RHOF: variants seen among roughly 807,000 people sequenced by gnomAD.
RHOF encodes the protein rho-related GTP-binding protein RhoF.
A neutral mutation model predicts 22.2 loss-of-function variants in RHOF; 21 were observed. The observed-to-expected ratio is 0.95, with a 90% CI of 0.67 to 1.36. RHOF has a LOEUF of 1.36. Ranked by LOEUF, RHOF falls within the 40% of genes most tolerant of loss-of-function variation. The pLI, the probability that RHOF is intolerant of heterozygous loss-of-function variation, is 0.00. For missense variants in RHOF, 285 were observed against 293.7 expected (o/e 0.97, Z 0.22); for synonymous variants, 135 against 131.2 (o/e 1.03, Z -0.20).
At chr12:121,781,926 CG>C (rs1390487860) in intron 2 of RHOF, 1 of 152,222 alleles carries the variant, frequency 6.6e-6, no homozygotes, top group Non-Finnish European at 1.5e-5. Context: ...GGCTCCGCCC[CG>C]AGACGAGCTG....
chr12:121,779,715 GCA>G (rs1874377730), intron 4 of RHOF, 53 bp from the exon 5 acceptor site: 1 of 1,594,914 alleles, frequency 6.3e-7, no homozygotes, highest in East Asian at 2.2e-5. Context: ...AGGTCTCCTA[GCA>G]CCACCTGGTG....
At position 121,788,779 on chromosome 12, in the gene RHOF, C is replaced by T. The variant is rs147102042; in HGVS notation, c.226+4373G>A. Reference sequence around the variant, plus strand: ...AGGAGAAGGGAGGCAATGCTTAGAGCGGGAGCAGTGCAGGGGCAGGGGTGG... The same window carrying T: ...AGGAGAAGGGAGGCAATGCTTAGAGTGGGAGCAGTGCAGGGGCAGGGGTGG... On this transcript the variant is annotated intron_variant, in intron 2 of 4. Coordinates refer to ENST00000267205, the MANE Select transcript of RHOF (RefSeq NM_019034.3). Among the ~76,000 whole-genome samples, 278 of 151,960 alleles carry T rather than the reference C, an allele frequency of 1.8e-3. 1 individual carries two copies. The highest frequency in any genetic ancestry group is 3.4e-3 in the Middle Eastern group (1 of 292).
At chr12:121,790,757 T>C (rs1874743305) in intron 2 of RHOF, among the ~76,000 whole-genome samples, 1 of 152,196 alleles carries the variant, frequency 6.6e-6, no homozygotes, top group Non-Finnish European at 1.5e-5. Context: ...CCAGGGAAGA[T>C]AGATCTCCCC....
At chr12:121,792,332 C>T (rs1566535659) in intron 2 of RHOF, among the ~76,000 whole-genome samples, 1 of 152,204 alleles carries the variant, frequency 6.6e-6, no homozygotes, top group African/African-American at 2.4e-5. Flanking sequence ...ACCTTTGGTC[C>T]CCAATGTTGA....
At chr12:121,793,270 G>A (rs1874811540) in intron 1 of RHOF, 31 bp from the exon 2 acceptor site, 2 of 1,541,112 alleles carry the variant, frequency 1.3e-6, no homozygotes, top group African/African-American at 1.4e-5. Context: ...TTGGTCCTTA[G>A]TGGGGCCGGC....
intron 2 of RHOF, 57 bp from the exon 3 acceptor site, chr12:121,781,249 CGGGTGA>C: frequency 6.6e-7 from 1 of 1,514,264 alleles, no homozygotes; most frequent in Non-Finnish European, 9.1e-7. Context: ...TGGACTCTGA[CGGGTGA>C]AGGGGAAGGG....
At chr12:121,791,067 T>C (rs1874751637) in intron 2 of RHOF, among the ~76,000 whole-genome samples, 1 of 150,886 alleles carries the variant, frequency 6.6e-6, no homozygotes, top group Non-Finnish European at 1.5e-5. Context: ...AGAGACGGGG[T>C]TTCATCATGT....
In RHOF at chr12:121,781,183, T is replaced by C; in HGVS notation, c.236A>G (p.Asp79Gly). 1.2e-6 allele frequency: 2 copies of C among 1,614,154 alleles called. No homozygotes were observed. The highest frequency in any genetic ancestry group is 1.7e-5 in the Admixed American group (1 of 60,022). ...GGACAGGGGCCGCAGCCGGTCATAG[T>C]CTTCTTGCCCTGAAAGCACAGAGCA... ...LNLYDTAGQE[D>G]YDRLRPLSYQ... is the part of the protein sequence containing the mutation. The change falls in exon 3 of 5, where the codon GAC becomes GGC. Residue 79 changes from aspartate (D) to glycine (G), a missense_variant. Asp to Gly is a moderately conservative substitution (Grantham distance 94, BLOSUM62 -1). Coordinates refer to ENST00000267205, the MANE Select transcript of RHOF (RefSeq NM_019034.3).
chr12:121,792,247 C>T (rs1193154610), intron 2 of RHOF, among the ~76,000 whole-genome samples: 2 of 152,226 alleles, frequency 1.3e-5, no homozygotes, highest in Non-Finnish European at 2.9e-5. Context: ...AGAGGGCCAC[C>T]GGATGACGTG....
rs183119832 is a variant in RHOF, at chr12:121,780,891, T to C, written c.452A>G (p.Glu151Gly). The change falls in exon 4 of 5, where the codon GAG becomes GGG. Residue 151 changes from glutamate to glycine, a missense_variant. By Grantham distance (98) the Glu-to-Gly change is moderately conservative (BLOSUM62 -2). Transcript: ENST00000267205. Reference sequence around the variant, plus strand: ...GCCCACCTGCATGTAGGTGATGGGCTCCAGCTGGGCGGCCCGGAGCTTCCG... The same window carrying C: ...GCCCACCTGCATGTAGGTGATGGGCCCCAGCTGGGCGGCCCGGAGCTTCCG... Reference protein sequence around the residue: ...QLRKLRAAQLEPITYMQGLSA... With the variant: ...QLRKLRAAQLGPITYMQGLSA... The C allele has an allele frequency of 1.9e-6, 3 of 1,613,644 alleles. No individual in the cohort carries two copies. Among genetic ancestry groups the C allele is most frequent in the Non-Finnish European group, 1.7e-6 (2 of 1,179,866 alleles).
rs1028270524 is a variant in RHOF, at chr12:121,793,671, C to T, written c.-38G>A. 30 of 1,489,726 alleles carry T rather than the reference C, an allele frequency of 2.0e-5. No homozygotes were observed. Among genetic ancestry groups the T allele is most frequent in the Non-Finnish European group, 2.6e-5 (29 of 1,127,408 alleles). The allele number at this position is 1,489,726 out of a possible 1,614,324, so 92.3% of individuals were successfully genotyped here. A position where few individuals can be genotyped will look rare whatever the true frequency, so the allele number is the denominator to read the frequency against. On this transcript the variant is annotated 5_prime_UTR_variant, in exon 1 of 5. Coordinates refer to ENST00000267205, the MANE Select transcript of RHOF (RefSeq NM_019034.3). Reference sequence around the variant, plus strand: ...GCAGCACTGGCGGCGGCGCGCCGGGCACTAGCGGAGCCAAGAGGTCGGGGG... The same window carrying T: ...GCAGCACTGGCGGCGGCGCGCCGGGTACTAGCGGAGCCAAGAGGTCGGGGG...
At chr12:121,781,489 A>G (rs1029528139) in intron 2 of RHOF, 9 of 345,184 alleles carry the variant, frequency 2.6e-5, no homozygotes, top group Non-Finnish European at 5.0e-5. Context: ...AAAACCCATG[A>G]GCGGCAGCCC....
intron 2 of RHOF, chr12:121,781,468 C>A (rs891759449): frequency 5.1e-6 from 2 of 389,754 alleles, no homozygotes; most frequent in Admixed American, 8.2e-5. Flanking sequence ...GAGACCCTGT[C>A]TCTTAACAAC....
intron 4 of RHOF, chr12:121,779,915 G>C (rs1566530795): frequency 2.1e-6 from 1 of 478,008 alleles, no homozygotes; most frequent in Non-Finnish European, 3.8e-6. Context: ...GGGCAGGGAG[G>C]GGCTGAATCC....
In RHOF at chr12:121,779,113, G is replaced by A; in HGVS notation, c.*385C>T. Reference sequence around the variant, plus strand: ...CCAGGGAGGCAGGGACACAGGAGTGGCAGGCTTGGGGCGCCCGCGTGGAAC... The same window carrying A: ...CCAGGGAGGCAGGGACACAGGAGTGACAGGCTTGGGGCGCCCGCGTGGAAC... On this transcript the variant is annotated 3_prime_UTR_variant, in exon 5 of 5. Coordinates refer to ENST00000267205, the MANE Select transcript of RHOF (RefSeq NM_019034.3). The A allele has an allele frequency of 5.1e-6, 1 of 197,478 alleles. No individual in the cohort carries two copies. Among genetic ancestry groups the A allele is most frequent in the South Asian group, 9.9e-5 (1 of 10,132 alleles). 12.2% of individuals were successfully genotyped at this position (197,478 alleles called of 1,614,324 possible).
chr12:121,783,327 C>CA (rs1555333896), intron 2 of RHOF, among the ~76,000 whole-genome samples: 2 of 148,564 alleles, frequency 1.3e-5, no homozygotes, highest in Non-Finnish European at 3.0e-5. Flanking sequence ...CCCCCCCCCC[C>CA]ACCTTTTCTT....
intron 2 of RHOF, among the ~76,000 whole-genome samples, chr12:121,791,698 C>T (rs1874768952): frequency 6.6e-6 from 1 of 152,238 alleles, no homozygotes; most frequent in South Asian, 2.1e-4. Flanking sequence ...CCAGAAAGGC[C>T]ATCCCTGTTC....
At chr12:121,786,118 C>T (rs909393642) in intron 2 of RHOF, among the ~76,000 whole-genome samples, 5 of 151,604 alleles carry the variant, frequency 3.3e-5, no homozygotes, top group Non-Finnish European at 2.9e-5. Context: ...GACGGGGTTT[C>T]ACCGTGTAAG....
At chr12:121,783,790 A>G (rs1874538398) in intron 2 of RHOF, among the ~76,000 whole-genome samples, 1 of 151,926 alleles carries the variant, frequency 6.6e-6, no homozygotes, top group Non-Finnish European at 1.5e-5. Flanking sequence ...TTAAGTAGAG[A>G]TGGGGTTTTT....
Sources: allele counts gnomAD v4.1 joint callset (sites outside exome capture counted in the v4.1 genomes callset), GRCh38; gene constraint gnomAD v4.1.1; transcripts MANE v1.5; gene names NCBI Gene and HGNC (gene_info 2026-07-23, HGNC 2026-07-21).